Variants in ROBO1 observed in about 807,000 individuals in gnomAD.
ROBO1 encodes roundabout homolog 1.
ROBO1 carries 149 observed loss-of-function variants against 195.9 expected under a neutral mutation model. That is an observed-to-expected ratio of 0.76 (90% CI 0.67 to 0.87). The LOEUF (loss-of-function observed/expected upper bound fraction) is 0.87. Ranked by LOEUF, ROBO1 falls within the 40% of genes least tolerant of loss-of-function variation. ROBO1 has a pLI of 0.00. For missense variants in ROBO1, 1,933 were observed against 2,068.3 expected (o/e 0.93, Z 1.27); for synonymous variants, 816 against 733.2 (o/e 1.11, Z -1.82).
At chr3:79,033,728 T>A (rs1401026137) in intron 3 of ROBO1, among the ~76,000 whole-genome samples, 1 of 152,212 alleles carries the variant, frequency 6.6e-6, no homozygotes, top group Non-Finnish European at 1.5e-5. Context: ...CATTGTTTTT[T>A]CAAAATCTTG....
At chr3:78,752,672 T>C (rs1043436409) in intron 4 of ROBO1, among the ~76,000 whole-genome samples, 5 of 152,208 alleles carry the variant, frequency 3.3e-5, no homozygotes, top group Admixed American at 6.5e-5. Context: ...AGATAAACCA[T>C]TGAAGAGGAA....
At chr3:79,110,077 T>C (rs2079858097) in intron 3 of ROBO1, among the ~76,000 whole-genome samples, 1 of 152,048 alleles carries the variant, frequency 6.6e-6, no homozygotes, top group South Asian at 2.1e-4. Context: ...GGAAAATTGC[T>C]TTAATCTCTT....
intron 3 of ROBO1, among the ~76,000 whole-genome samples, chr3:78,996,703 TACAC>T (rs558617721): frequency 6.6e-5 from 10 of 151,694 alleles, no homozygotes; most frequent in Non-Finnish European, 1.3e-4. Flanking sequence ...CATGCACACA[TACAC>T]ACACACAAAC....
At chr3:79,451,889 C>T (rs2039452545) in intron 2 of ROBO1, among the ~76,000 whole-genome samples, 1 of 151,868 alleles carries the variant, frequency 6.6e-6, no homozygotes, top group East Asian at 1.9e-4. Flanking sequence ...ATGCTTAACA[C>T]AACTTTCTGC....
At chr3:79,021,203 A>C (rs1450208608) in intron 3 of ROBO1, among the ~76,000 whole-genome samples, 1 of 152,228 alleles carries the variant, frequency 6.6e-6, no homozygotes, top group Non-Finnish European at 1.5e-5. Flanking sequence ...TGGGCAGTCA[A>C]AGCTGAAAAG....
chr3:78,608,540 T>C (rs571848248), intron 28 of ROBO1, among the ~76,000 whole-genome samples: 2 of 152,328 alleles, frequency 1.3e-5, no homozygotes, highest in South Asian at 2.1e-4. Context: ...ATATGTATCC[T>C]AATATTATTT....
chr3:79,117,705 T>C (rs2080033394), intron 3 of ROBO1, among the ~76,000 whole-genome samples: 1 of 152,252 alleles, frequency 6.6e-6, no homozygotes, highest in South Asian at 2.1e-4. Context: ...TCAAGCAATG[T>C]AAAGTAACAG....
chr3:79,198,014 T>G (rs2081676078), intron 2 of ROBO1, among the ~76,000 whole-genome samples: 1 of 152,102 alleles, frequency 6.6e-6, no homozygotes, highest in African/African-American at 2.4e-5. Context: ...AGTACTTTCT[T>G]TTGCTGTGGA....
intron 5 of ROBO1, among the ~76,000 whole-genome samples, chr3:78,719,686 T>C (rs2081995419): frequency 6.6e-6 from 1 of 152,210 alleles, no homozygotes; most frequent in Non-Finnish European, 1.5e-5. Context: ...TTTCCAAGGC[T>C]ACATACAATT....
chr3:78,958,701 A>G (rs1306522148), intron 3 of ROBO1, among the ~76,000 whole-genome samples: 1 of 152,116 alleles, frequency 6.6e-6, no homozygotes, highest in Non-Finnish European at 1.5e-5. Context: ...ACGTTGACCA[A>G]TTCATCCCAG....
intron 4 of ROBO1, among the ~76,000 whole-genome samples, chr3:78,827,288 A>G (rs1419287923): frequency 3.3e-5 from 5 of 152,198 alleles, no homozygotes; most frequent in Non-Finnish European, 1.5e-5. Context: ...GTCTTGTTAT[A>G]TGTAAATCTG....
chr3:79,474,896 C>T (rs1938469585), intron 2 of ROBO1, among the ~76,000 whole-genome samples: 2 of 151,950 alleles, frequency 1.3e-5, no homozygotes, highest in South Asian at 4.1e-4. Flanking sequence ...CCTAGCAAAT[C>T]AGATTTGTTT....
At chr3:78,673,530 T>C (rs2107734641) in intron 10 of ROBO1, among the ~76,000 whole-genome samples, 1 of 134,672 alleles carries the variant, frequency 7.4e-6, no homozygotes, top group Non-Finnish European at 1.6e-5. Context: ...TATATATAAA[T>C]ATATATATAT....
chr3:78,682,489 GTATATGTA>G (rs1223333433), intron 10 of ROBO1, among the ~76,000 whole-genome samples: 3 of 132,550 alleles, frequency 2.3e-5, no homozygotes, highest in Admixed American at 7.4e-5. Flanking sequence ...GTATATATGT[GTATATGTA>G]TATATGTATA....
intron 26 of ROBO1, among the ~76,000 whole-genome samples, chr3:78,624,690 A>T (rs1258798888): frequency 6.6e-6 from 1 of 152,128 alleles, no homozygotes; most frequent in Non-Finnish European, 1.5e-5. Context: ...CCTTCAAAGA[A>T]CTTTTAATTT....
chr3:78,647,134 T>G lies in ROBO1; in HGVS notation c.2839+495A>C, dbSNP rs1706347579. On this transcript the variant is annotated intron_variant, in intron 20 of 30. Transcript: ENST00000464233. The stretch of plus-strand genomic sequence containing the variant: ...GAAGAGGACCCATTTTGAAAGAAAT[T>G]GGATAGAACGGAATATTAGGATTCT... Among the ~76,000 whole-genome samples, 2 of 152,028 alleles carry G rather than the reference T, an allele frequency of 1.3e-5. 1 individual carries two copies. The highest frequency in any genetic ancestry group is 3.9e-4 in the East Asian group (2 of 5,192).
rs533946305 is a variant in ROBO1, at chr3:79,403,876, T to C, written c.88+185948A>G. 2.6e-5 allele frequency among the ~76,000 whole-genome samples: 4 copies of C among 152,138 alleles called. No homozygotes were observed. The South Asian group carries it at 8.3e-4, about 32-fold the overall frequency. ...CTTGAAACCATCATGATGGTATCAT[T>C]TGGAGCCATCTCTCTGTGGCAGAAG... On this transcript the variant is annotated intron_variant, in intron 2 of 30. Transcript: ENST00000464233.
At chr3:79,197,650 C>T (rs1038873349) in intron 2 of ROBO1, among the ~76,000 whole-genome samples, 1 of 152,122 alleles carries the variant, frequency 6.6e-6, no homozygotes, top group African/African-American at 2.4e-5. Context: ...TTTACACTCA[C>T]ACCAACAATG....
intron 5 of ROBO1, among the ~76,000 whole-genome samples, chr3:78,726,418 G>A (rs1392832746): frequency 1.3e-5 from 2 of 152,086 alleles, no homozygotes; most frequent in Non-Finnish European, 2.9e-5. Flanking sequence ...AGGGCTTGAC[G>A]AGTGGGATTC....
Sources: allele counts gnomAD v4.1 joint callset (sites outside exome capture counted in the v4.1 genomes callset), GRCh38; gene constraint gnomAD v4.1.1; transcripts MANE v1.5; gene names NCBI Gene and HGNC (gene_info 2026-07-23, HGNC 2026-07-21).